Variants in NBEAL2 observed in about 807,000 individuals in gnomAD.
The protein encoded by NBEAL2 is neurobeachin like 2.
NBEAL2 carries 160 observed loss-of-function variants against 299.8 expected under a neutral mutation model. The ratio of observed to expected loss-of-function variants is 0.53; its 90% confidence interval spans 0.47 to 0.61. The LOEUF is 0.61. Among genes scored for constraint, NBEAL2 ranks in the 20% least tolerant of loss-of-function variants. The probability of loss-of-function intolerance (pLI) is 0.00; values close to 1 mark genes in which losing one functional copy is unlikely to be tolerated. For synonymous variants in NBEAL2, 1,493 were observed against 1,542.3 expected (o/e 0.97, Z 0.75); for missense variants, 3,112 against 3,649.0 (o/e 0.85, Z 3.79).
chr3:47,004,175 G>T lies in NBEAL2; in HGVS notation c.5980G>T (p.Asp1994Tyr), dbSNP rs200060366. Reference protein sequence around the residue: ...RRSALELFFIDQANYFLNFPC... With the variant: ...RRSALELFFIYQANYFLNFPC... The stretch of plus-strand genomic sequence containing the variant: ...TTCAGCACTTGAGCTCTTCTTTATC[G>T]ATCAGGCCAACTACTTCCTCAACTT... Residue 1994 changes from aspartate (D) to tyrosine (Y), a missense_variant, in exon 37 of 54, where the codon GAT (aspartate) becomes TAT (tyrosine). By Grantham distance (160) the Asp-to-Tyr change is radical (BLOSUM62 -3). This residue lies in a region of NBEAL2 where 521 missense variants were observed against 729.6 expected (regional missense o/e 0.71). Coordinates refer to ENST00000450053, the MANE Select transcript of NBEAL2 (RefSeq NM_015175.3). This position sits in a 1 kb window ranked among gnomAD's most constrained non-coding sequence, Gnocchi z 5.0. The T allele has an allele frequency of 6.2e-7, 1 of 1,613,708 alleles. No individual in the cohort carries two copies. Among genetic ancestry groups the T allele is most frequent in the South Asian group, 1.1e-5 (1 of 91,078 alleles).
Position 46,996,297 on chromosome 3 carries a change from C to A in NBEAL2, c.2178C>A (p.Ser726=). 3 of 1,609,064 alleles carry A rather than the reference C, an allele frequency of 1.9e-6. No homozygotes were observed. Among genetic ancestry groups the A allele is most frequent in the Non-Finnish European group, 2.5e-6 (3 of 1,179,846 alleles). Residue 726 remains serine, a synonymous_variant, in exon 16 of 54, where the codon TCC becomes TCA. Coordinates refer to ENST00000450053, the MANE Select transcript of NBEAL2 (RefSeq NM_015175.3). ...CTTTCTCCTCCTGCTGTATCGGCTC[C>A]GCTGGATACCGCACAACGACCACCA... ...SEPFSSCCIG[S]AGYRTTTTTT...
Position 47,000,544 on chromosome 3 carries a change from C to A in NBEAL2, c.4305+140C>A. The A allele has an allele frequency of 9.0e-7, 1 of 1,105,192 alleles. No homozygotes were observed. Among genetic ancestry groups the A allele is most frequent in the Non-Finnish European group, 1.3e-6 (1 of 782,976 alleles). The allele number at this position is 1,105,192 out of a possible 1,614,324, so 68.5% of individuals were successfully genotyped here. On this transcript the variant is annotated intron_variant, in intron 27 of 53. Transcript: ENST00000450053. The surrounding 1 kb of genome is among the most constrained non-coding windows in gnomAD (Gnocchi z 4.5). ...GCCACTGGTCAGGCCTATTGCTGTC[C>A]CCTCATAGCTCTCATCTGCAGTTGT... is the stretch of plus-strand genomic sequence containing the variant.
chr3:47,008,347 G>A lies in NBEAL2; in HGVS notation c.7784G>A (p.Gly2595Asp), dbSNP rs746938589. The A allele has an allele frequency of 6.2e-7, 1 of 1,613,596 alleles. No individual in the cohort carries two copies. Among genetic ancestry groups the A allele is most frequent in the Non-Finnish European group, 8.5e-7 (1 of 1,179,694 alleles). ...TTTGTAGCGGCACTACGGCCTCTGG[G>A]TGCCACATTCCCTGGACCTATTTTC... ...GQFVAALRPL[G>D]ATFPGPIFHL... Residue 2595 changes from glycine to aspartate, a missense_variant, in exon 51 of 54, where the codon GGT (glycine) becomes GAT (aspartate). Coordinates refer to ENST00000450053, the MANE Select transcript of NBEAL2 (RefSeq NM_015175.3).
At chr3:46,994,593 C>A in intron 12 of NBEAL2, 40 bp downstream of exon 12, 1 of 1,511,886 alleles carries the variant, frequency 6.6e-7, no homozygotes, top group South Asian at 1.2e-5. Context: ...CAAAGGCAAC[C>A]AGAACTGAGT....
intron 20 of NBEAL2, 132 bp downstream of exon 20, chr3:46,997,826 G>A: frequency 7.6e-7 from 1 of 1,324,106 alleles, no homozygotes; most frequent in Non-Finnish European, 1.0e-6. Flanking sequence ...GGCCTGAAAG[G>A]CCGAGCAGGG....
intron 53 of NBEAL2, 22 bp from the exon 54 acceptor site, chr3:47,009,197 A>C: frequency 6.3e-7 from 1 of 1,578,280 alleles, no homozygotes; most frequent in South Asian, 1.2e-5. Context: ...AGCTGATCCT[A>C]CTCAACCCTT....
rs1417065792 is a variant in NBEAL2, at chr3:46,979,927, C to CCCCGCG, written c.51+21_51+26dup. 14 of 376,740 alleles carry CCCCGCG rather than the reference C, an allele frequency of 3.7e-5. No homozygotes were observed. Among genetic ancestry groups the CCCCGCG allele is most frequent in the African/African-American group, 1.3e-4 (6 of 47,036 alleles). The allele number at this position is 376,740 out of a possible 1,614,324, so 23.3% of individuals were successfully genotyped here. On this transcript the variant is annotated intron_variant, in intron 1 of 53. Transcript: ENST00000450053. Reference sequence around the variant, plus strand: ...ACTACGCGCAGGTGAGCCCGCCCCGCCCCGCGCCCGCACCCGCACCCGCGG... The same window carrying CCCCGCG: ...ACTACGCGCAGGTGAGCCCGCCCCGCCCCGCGCCCGCGCCCGCACCCGCACCCGCGG...
Position 47,006,353 on chromosome 3 carries a change from C to G in NBEAL2, c.7038C>G (p.Leu2346=). ...QLLKEPHPTR[L]SAEEAAHRLA... ...CACAGGAGCCACATCCAACTCGGCT[C>G]TCAGCTGAGGAAGCAGCCCATCGCC... The change falls in exon 45 of 54, where the codon CTC becomes CTG. Residue 2346 remains leucine (L), a synonymous_variant. Coordinates refer to ENST00000450053, the MANE Select transcript of NBEAL2 (RefSeq NM_015175.3). 5.6e-6 allele frequency: 9 copies of G among 1,597,360 alleles called. No individual in the cohort carries two copies. The highest frequency in any genetic ancestry group is 7.7e-6 in the Non-Finnish European group (9 of 1,172,184).
chr3:46,990,311 C>T (rs2035992792), intron 6 of NBEAL2, among the ~76,000 whole-genome samples: 1 of 152,180 alleles, frequency 6.6e-6, no homozygotes, highest in African/African-American at 2.4e-5. Context: ...AGCCTGGGTG[C>T]TGTTATTAAA....
In NBEAL2 at chr3:46,989,028, G is replaced by A. The variant is rs759055996; in HGVS notation, c.270-57G>A. On this transcript the variant is annotated intron_variant, in intron 3 of 53. Transcript: ENST00000450053. This position sits in a 1 kb window ranked among gnomAD's most constrained non-coding sequence, Gnocchi z 5.5. Reference sequence around the variant, plus strand: ...CTAGAACTGTGGGCCAGAGGGAGAGGGGACAAGGAGGGGCATGGTGTATTA... The same window carrying A: ...CTAGAACTGTGGGCCAGAGGGAGAGAGGACAAGGAGGGGCATGGTGTATTA... 1.9e-6 allele frequency: 3 copies of A among 1,611,362 alleles called. No homozygotes were observed. The highest frequency in any genetic ancestry group is 2.5e-6 in the Non-Finnish European group (3 of 1,178,648).
Position 47,003,737 on chromosome 3 carries a change from A to G in NBEAL2, c.5721-79A>G, listed in dbSNP as rs1025906512. The G allele has an allele frequency of 2.4e-5, 36 of 1,483,438 alleles. No homozygotes were observed. Among genetic ancestry groups the G allele is most frequent in the East Asian group, 7.4e-5 (3 of 40,486 alleles). The allele number at this position is 1,483,438 out of a possible 1,614,324, so 91.9% of individuals were successfully genotyped here. A position where few individuals can be genotyped will look rare whatever the true frequency, so the allele number is the denominator to read the frequency against. ...ATGAGAGTATATACCCCATGACTCAATGGCACTTGGATGCCCTTTGGGCTT... is the reference window on the plus strand; with the variant it reads ...ATGAGAGTATATACCCCATGACTCAGTGGCACTTGGATGCCCTTTGGGCTT... On this transcript the variant is annotated intron_variant, in intron 35 of 53. Transcript: ENST00000450053. The surrounding 1 kb of genome is among the most constrained non-coding windows in gnomAD (Gnocchi z 7.0).
At chr3:46,986,361 C>G (rs1484859413) in intron 1 of NBEAL2, among the ~76,000 whole-genome samples, 1 of 152,122 alleles carries the variant, frequency 6.6e-6, no homozygotes, top group East Asian at 1.9e-4. Context: ...GGTTCCTGCT[C>G]AAGTACCAAA....
intron 16 of NBEAL2, 78 bp from the exon 17 acceptor site, chr3:46,996,673 C>T: frequency 6.4e-7 from 1 of 1,552,472 alleles, no homozygotes; most frequent in Non-Finnish European, 8.7e-7. Context: ...CTGGGGGTCT[C>T]TCCTGTGGTC....
In NBEAL2 at chr3:47,004,685, CTG is replaced by C; in HGVS notation, c.6294+96_6294+97del. 7.5e-7 allele frequency: 1 copy of C among 1,334,240 alleles called. No individual in the cohort carries two copies. The highest frequency in any genetic ancestry group is 1.1e-6 in the Non-Finnish European group (1 of 933,826). The allele number at this position is 1,334,240 out of a possible 1,614,324, so 82.7% of individuals were successfully genotyped here. ...TAGGTACCTGCCAGTGGGCCAAGCT[CTG>C]AGCTTGGTCAAGGGTAGATGTGCCA... is the stretch of plus-strand genomic sequence containing the variant. On this transcript the variant is annotated intron_variant, in intron 38 of 53. Transcript: ENST00000450053. The surrounding 1 kb of genome is among the most constrained non-coding windows in gnomAD (Gnocchi z 5.0).
rs2037195239 is a variant in NBEAL2 at position 47,003,610 on chromosome 3, C to G, written c.5721-206C>G. 6.6e-6 allele frequency among the ~76,000 whole-genome samples: 1 copy of G among 152,114 alleles called. No homozygotes were observed. Among genetic ancestry groups the G allele is most frequent in the African/African-American group, 2.4e-5 (1 of 41,416 alleles). On this transcript the variant is annotated intron_variant, in intron 35 of 53. Transcript: ENST00000450053. This position sits in a 1 kb window ranked among gnomAD's most constrained non-coding sequence, Gnocchi z 7.0. ...GGGAGCAGGGGACAAGGGTTGGCAT[C>G]CTGGCAAAATATTCAGAAGCCCAGT...
intron 22 of NBEAL2, 52 bp downstream of exon 22, chr3:46,998,617 G>C: frequency 6.3e-7 from 1 of 1,579,292 alleles, no homozygotes; most frequent in Non-Finnish European, 8.6e-7. Flanking sequence ...AGTGGCCTCC[G>C]GCCTTGGGGA....
chr3:47,009,097 C>T lies in NBEAL2; in HGVS notation c.8136C>T (p.Ile2712=), dbSNP rs1272959234. The change falls in exon 53 of 54, where the codon ATC becomes ATT. Residue 2712 remains isoleucine (I), a synonymous_variant. Coordinates refer to ENST00000450053, the MANE Select transcript of NBEAL2 (RefSeq NM_015175.3). ...TGGGCCTGGAGGATGGCAAGCTCAT[C>T]GTGGTGGTCGCGGGGCAGCCCTCTG... ...VLVGLEDGKL[I]VVVAGQPSEV... is the part of the protein sequence containing the mutation. 7.7e-6 allele frequency: 10 copies of T among 1,292,166 alleles called. No individual in the cohort carries two copies. Among genetic ancestry groups the T allele is most frequent in the Non-Finnish European group, 9.3e-6 (9 of 967,602 alleles). 80.0% of individuals were successfully genotyped at this position (1,292,166 alleles called of 1,614,324 possible).
intron 1 of NBEAL2, among the ~76,000 whole-genome samples, chr3:46,986,442 G>A (rs566859309): frequency 6.6e-6 from 1 of 152,326 alleles, no homozygotes; most frequent in South Asian, 2.1e-4. Context: ...GAACCACAGA[G>A]GGGGAGAGGT....
Position 47,002,247 on chromosome 3 carries a change from T to A in NBEAL2, c.5110T>A (p.Phe1704Ile), listed in dbSNP as rs2037065381. ...CACCTTCTTTGAAGACTTCCAGGCTTTTTGTGCCACACCCGAATGGCGCCA... is the reference window on the plus strand; with the variant it reads ...CACCTTCTTTGAAGACTTCCAGGCTATTTGTGCCACACCCGAATGGCGCCA... ...SPTFFEDFQA[F>I]CATPEWRHFI... Residue 1704 changes from phenylalanine (F) to isoleucine (I), a missense_variant, in exon 31 of 54, where the codon TTT (phenylalanine) becomes ATT (isoleucine). By Grantham distance (21) the Phe-to-Ile change is conservative. Transcript: ENST00000450053. 3 of 1,554,076 alleles carry A rather than the reference T, an allele frequency of 1.9e-6. No individual in the cohort carries two copies. Among genetic ancestry groups the A allele is most frequent in the Non-Finnish European group, 2.6e-6 (3 of 1,148,410 alleles).
Sources: allele counts gnomAD v4.1 joint callset (sites outside exome capture counted in the v4.1 genomes callset), GRCh38; gene constraint gnomAD v4.1.1; regional missense constraint gnomAD v4.1.1; non-coding constraint Gnocchi (gnomAD v3.1); transcripts MANE v1.5; gene names NCBI Gene and HGNC (gene_info 2026-07-23, HGNC 2026-07-21).